The following CRYBG3 variants were observed in gnomAD, a reference collection of about 807,000 sequenced individuals.
CRYBG3 encodes crystallin beta-gamma domain containing 3.
A neutral mutation model predicts 244.2 loss-of-function variants in CRYBG3; 127 were observed. That is an observed-to-expected ratio of 0.52 (90% CI 0.45 to 0.60). The LOEUF (loss-of-function observed/expected upper bound fraction) is 0.60, where lower values mean the gene tolerates loss of function less well. Ranked by LOEUF, CRYBG3 falls within the 20% of genes least tolerant of loss-of-function variation. The probability of loss-of-function intolerance (pLI) is 0.00; values close to 1 mark genes in which losing one functional copy is unlikely to be tolerated. For synonymous variants in CRYBG3, 1,132 were observed against 1,195.8 expected (o/e 0.95, Z 1.10); for missense variants, 3,325 against 3,442.5 (o/e 0.97, Z 0.85).
intron 2 of CRYBG3, among the ~76,000 whole-genome samples, chr3:97,856,146 C>G (rs2039060786): frequency 6.6e-6 from 1 of 152,054 alleles, no homozygotes; most frequent in African/African-American, 2.4e-5. Flanking sequence ...TTCTCTTTAC[C>G]AGGGATGTTC....
chr3:97,943,587 A>C lies in CRYBG3; in HGVS notation c.*273A>C. The C allele has an allele frequency of 2.6e-6, 1 of 378,038 alleles. No homozygotes were observed. Among genetic ancestry groups the C allele is most frequent in the Non-Finnish European group, 4.7e-6 (1 of 212,624 alleles). The allele number at this position is 378,038 out of a possible 1,614,324, so 23.4% of individuals were successfully genotyped here. On this transcript the variant is annotated 3_prime_UTR_variant, in exon 22 of 22. Transcript: ENST00000389622. ...CCAGCTGTGGTGAGCAAGTTTCCTG[A>C]AGTGTTTATTTTCTCTCATATCCAC... is the stretch of plus-strand genomic sequence containing the variant.
rs371125970 is a variant in CRYBG3 at position 97,896,072 on chromosome 3, G to A, written c.7688G>A (p.Arg2563Gln). Residue 2563 changes from arginine (R) to glutamine (Q), a missense_variant, in exon 12 of 22, where the codon CGG becomes CAG. Coordinates refer to ENST00000389622, the MANE Select transcript of CRYBG3 (RefSeq NM_153605.4). ...TTAAGTAGCCCTATCTTGTCTTTCCGGTACTTACAAGCTGTGAGTTAGCTT... is the reference window on the plus strand; with the variant it reads ...TTAAGTAGCCCTATCTTGTCTTTCCAGTACTTACAAGCTGTGAGTTAGCTT... ...GALSSPILSF[R>Q]YLQANFIESS... is the part of the protein sequence containing the mutation. The A allele has an allele frequency of 2.3e-5, 37 of 1,606,772 alleles. No individual in the cohort carries two copies. Among genetic ancestry groups the A allele is most frequent in the South Asian group, 3.3e-5 (3 of 89,732 alleles).
chr3:97,920,422 C>T (rs573685388), intron 17 of CRYBG3, among the ~76,000 whole-genome samples: 9 of 152,244 alleles, frequency 5.9e-5, no homozygotes, highest in Non-Finnish European at 1.2e-4. Context: ...GAGCTTCATT[C>T]CCAGATTCCA....
chr3:97,879,898 T>C, intron 5 of CRYBG3, 87 bp from the exon 6 acceptor site: 2 of 937,214 alleles, frequency 2.1e-6, no homozygotes, highest in Admixed American at 4.6e-5. Flanking sequence ...AGGATATTTA[T>C]TTCTATGTTC....
At chr3:97,899,833 T>C (rs2039685890) in intron 14 of CRYBG3, among the ~76,000 whole-genome samples, 1 of 152,146 alleles carries the variant, frequency 6.6e-6, no homozygotes, top group African/African-American at 2.4e-5. Flanking sequence ...TGTGGCCAGT[T>C]TGGATAATAA....
chr3:97,865,503 C>G (rs1009091386), intron 3 of CRYBG3, among the ~76,000 whole-genome samples: 1 of 152,162 alleles, frequency 6.6e-6, no homozygotes, highest in Admixed American at 6.5e-5. Flanking sequence ...GATTTAGGCA[C>G]AGACCTCTCT....
chr3:97,884,332 C>G (rs2039483836), intron 7 of CRYBG3, among the ~76,000 whole-genome samples: 3 of 151,898 alleles, frequency 2.0e-5, no homozygotes, highest in Non-Finnish European at 4.4e-5. Flanking sequence ...TTGCAAATTA[C>G]TATGTTTACT....
In CRYBG3 at chr3:97,873,527, A is replaced by G. The variant is rs2039330804; in HGVS notation, c.2333A>G (p.Gln778Arg). The change falls in exon 4 of 22, where the codon CAA (glutamine) becomes CGA (arginine). Residue 778 changes from glutamine (Q) to arginine (R), a missense_variant. Coordinates refer to ENST00000389622, the MANE Select transcript of CRYBG3 (RefSeq NM_153605.4). ...AAGGATTGCAGTTCCATTTTATCTC[A>G]AGACCCTAATAGAGTAGAGTTAGTG... ...LSKDCSSILS[Q>R]DPNRVELVSS... is the part of the protein sequence containing the mutation. The G allele has an allele frequency of 1.3e-6, 2 of 1,535,802 alleles. No individual in the cohort carries two copies. Among genetic ancestry groups the G allele is most frequent in the Non-Finnish European group, 1.7e-6 (2 of 1,146,642 alleles).
chr3:97,876,943 G>A lies in CRYBG3; in HGVS notation c.5749G>A (p.Gly1917Ser). The A allele has an allele frequency of 6.7e-6, 10 of 1,490,132 alleles. No individual in the cohort carries two copies. Among genetic ancestry groups the A allele is most frequent in the Non-Finnish European group, 8.9e-6 (10 of 1,121,552 alleles). The allele number at this position is 1,490,132 out of a possible 1,614,324, so 92.3% of individuals were successfully genotyped here. A position where few individuals can be genotyped will look rare whatever the true frequency, so the allele number is the denominator to read the frequency against. Residue 1917 changes from glycine (G) to serine (S), a missense_variant, in exon 4 of 22, where the codon GGC (glycine) becomes AGC (serine). Transcript: ENST00000389622. ...GGAAGAGCCTACAGAAATAAAGGAA[G>A]GCTTGATAGCACATGAAAATAGACT... is the stretch of plus-strand genomic sequence containing the variant. ...TKEEPTEIKEGLIAHENRLPT... is the reference protein window; with the variant it reads ...TKEEPTEIKESLIAHENRLPT...
Position 97,880,944 on chromosome 3 carries a change from G to A in CRYBG3, c.7005-128G>A, listed in dbSNP as rs1277294791. On this transcript the variant is annotated intron_variant, in intron 6 of 21. Coordinates refer to ENST00000389622, the MANE Select transcript of CRYBG3 (RefSeq NM_153605.4). ...GCATATATCATTGTTTCAAAAAATA[G>A]GGTTATATGCTAATAGTGGAAGATA... 5 of 590,464 alleles carry A rather than the reference G, an allele frequency of 8.5e-6. No individual in the cohort carries two copies. The Admixed American group carries it at 1.2e-4, about 14-fold the overall frequency. 36.6% of individuals were successfully genotyped at this position (590,464 alleles called of 1,614,324 possible).
chr3:97,883,623 G>A (rs1364805083), intron 7 of CRYBG3, among the ~76,000 whole-genome samples: 1 of 152,114 alleles, frequency 6.6e-6, no homozygotes, highest in African/African-American at 2.4e-5. Context: ...TTTTCTTCTA[G>A]TGTTTGTTCT....
chr3:97,891,820 G>A (rs2039579605), intron 10 of CRYBG3, among the ~76,000 whole-genome samples: 1 of 152,176 alleles, frequency 6.6e-6, no homozygotes, highest in Non-Finnish European at 1.5e-5. Context: ...CATTGCCGTG[G>A]TAGAGAATGA....
Position 97,873,839 on chromosome 3 carries a change from A to G in CRYBG3, c.2645A>G (p.Gln882Arg). The change falls in exon 4 of 22, where the codon CAG (glutamine) becomes CGG (arginine). Residue 882 changes from glutamine to arginine, a missense_variant. Coordinates refer to ENST00000389622, the MANE Select transcript of CRYBG3 (RefSeq NM_153605.4). ...LSELTFLEVEQGKRFQSINHN... is the reference protein window; with the variant it reads ...LSELTFLEVERGKRFQSINHN... ...GAATTAACCTTTCTAGAAGTTGAAC[A>G]GGGCAAACGTTTTCAATCAATTAAT... 2 of 1,533,652 alleles carry G rather than the reference A, an allele frequency of 1.3e-6. No individual in the cohort carries two copies.
rs140957597 is a variant in CRYBG3 at position 97,875,851 on chromosome 3, G to C, written c.4657G>C (p.Asp1553His). 11 of 1,231,972 alleles carry C rather than the reference G, an allele frequency of 8.9e-6. No homozygotes were observed. The African/African-American group carries it at 9.3e-5, about 10-fold the overall frequency. 76.3% of individuals were successfully genotyped at this position (1,231,972 alleles called of 1,614,324 possible). ...AGAAACAGGGAAAACAAACAAAAAG[G>C]ATGCTGAATTGAATATTCTGAAATA... is the stretch of plus-strand genomic sequence containing the variant. Reference protein sequence around the residue: ...MLETGKTNKKDAELNILKYEA... With the variant: ...MLETGKTNKKHAELNILKYEA... The change falls in exon 4 of 22, where the codon GAT becomes CAT. Residue 1553 changes from aspartate (D) to histidine (H), a missense_variant. Around this residue, in one of 4 missense-constraint regions of CRYBG3, gnomAD observed 635 missense variants for 771.7 expected, o/e 0.82. Transcript: ENST00000389622.
At chr3:97,933,454 T>G in intron 17 of CRYBG3, 1 of 561,464 alleles carries the variant, frequency 1.8e-6, no homozygotes, top group South Asian at 1.7e-5. Flanking sequence ...TATGGCTGTT[T>G]TTATTATGAG....
At chr3:97,848,264 G>A (rs1035167747) in intron 2 of CRYBG3, among the ~76,000 whole-genome samples, 1 of 152,096 alleles carries the variant, frequency 6.6e-6, no homozygotes, top group Non-Finnish European at 1.5e-5. Flanking sequence ...TTTAAAATAT[G>A]TATGGCTTTA....
intron 1 of CRYBG3, among the ~76,000 whole-genome samples, chr3:97,831,945 T>C (rs949269781): frequency 9.2e-5 from 14 of 152,084 alleles, no homozygotes; most frequent in African/African-American, 3.1e-4. Flanking sequence ...GAGTTAAACA[T>C]GTGTTCACCT....
chr3:97,846,054 G>A (rs984673523), intron 2 of CRYBG3, among the ~76,000 whole-genome samples: 4 of 152,096 alleles, frequency 2.6e-5, no homozygotes, highest in Admixed American at 6.6e-5. Flanking sequence ...GTATGTAGTC[G>A]CTGATTGAAT....
chr3:97,872,417 T>A lies in CRYBG3; in HGVS notation c.1223T>A (p.Ile408Lys). Residue 408 changes from isoleucine to lysine, a missense_variant, in exon 4 of 22, where the codon ATA (isoleucine) becomes AAA (lysine). Coordinates refer to ENST00000389622, the MANE Select transcript of CRYBG3 (RefSeq NM_153605.4). The part of the protein sequence containing the change: ...FQRVTTTENT[I>K]KENSTVMSNR... ...AGAGTAACTACAACAGAAAATACGATAAAAGAAAACAGCACTGTGATGAGT... is the reference window on the plus strand; with the variant it reads ...AGAGTAACTACAACAGAAAATACGAAAAAAGAAAACAGCACTGTGATGAGT... 6.5e-7 allele frequency: 1 copy of A among 1,535,870 alleles called. No homozygotes were observed. The highest frequency in any genetic ancestry group is 8.7e-7 in the Non-Finnish European group (1 of 1,146,824).
Sources: allele counts gnomAD v4.1 joint callset (sites outside exome capture counted in the v4.1 genomes callset), GRCh38; gene constraint gnomAD v4.1.1; regional missense constraint gnomAD v4.1.1; transcripts MANE v1.5; gene names NCBI Gene and HGNC (gene_info 2026-07-23, HGNC 2026-07-21).